CABIN1: variants seen among roughly 807,000 people sequenced by gnomAD.
The protein encoded by CABIN1 is calcineurin binding protein 1, also known as calcineurin-binding protein cabin-1.
Under a neutral mutation model 227.7 loss-of-function variants are expected in CABIN1, and 133 were observed. The observed-to-expected ratio is 0.58, with a 90% confidence interval of 0.51 to 0.67. The LOEUF (loss-of-function observed/expected upper bound fraction) is 0.67, where lower values mean the gene tolerates loss of function less well. CABIN1 is among the 30% of genes least tolerant of loss of function. The probability of loss-of-function intolerance (pLI) is 0.00; values close to 1 mark genes in which losing one functional copy is unlikely to be tolerated. For synonymous variants in CABIN1, 1,086 were observed against 1,155.1 expected (o/e 0.94, Z 1.21); for missense variants, 2,408 against 2,852.5 (o/e 0.84, Z 3.55).
At chr22:24,028,302 T>C (rs2036244998) in intron 1 of CABIN1, among the ~76,000 whole-genome samples, 1 of 152,180 alleles carries the variant, frequency 6.6e-6, no homozygotes, top group Non-Finnish European at 1.5e-5. Flanking sequence ...CTCAATAAAG[T>C]AAAGCACAGA....
intron 22 of CABIN1, 74 bp downstream of exon 22, chr22:24,085,225 G>A: frequency 6.5e-7 from 1 of 1,529,226 alleles, no homozygotes; most frequent in Non-Finnish European, 9.0e-7. Context: ...AAGCTCTTCA[G>A]TGGGCCACTT....
rs571393179 is a variant in CABIN1 at position 24,057,804 on chromosome 22, G to C, written c.1263-1423G>C. Among the ~76,000 whole-genome samples, 3 of 152,276 alleles carry C rather than the reference G, an allele frequency of 2.0e-5. No individual in the cohort carries two copies. In the South Asian group the frequency reaches 6.2e-4, roughly 32 times the overall value. On this transcript the variant is annotated intron_variant, in intron 10 of 36. Coordinates refer to ENST00000263119, the MANE Select transcript of CABIN1 (RefSeq NM_012295.4). ...AAGTGGGGCTGCAGTGCCTTCTGATGAATTTTTCTTAAGGGGTAATACCAG... is the reference window on the plus strand; with the variant it reads ...AAGTGGGGCTGCAGTGCCTTCTGATCAATTTTTCTTAAGGGGTAATACCAG...
chr22:24,063,414 C>G (rs1292080573), intron 14 of CABIN1, among the ~76,000 whole-genome samples: 1 of 152,218 alleles, frequency 6.6e-6, no homozygotes, highest in African/African-American at 2.4e-5. Context: ...GGCATTTGCT[C>G]TGCCTCTACC....
Position 24,030,641 on chromosome 22 carries a change from T to C in CABIN1, c.-74-4803T>C, listed in dbSNP as rs544112536. 2.6e-5 allele frequency among the ~76,000 whole-genome samples: 4 copies of C among 152,300 alleles called. No individual in the cohort carries two copies. The South Asian group carries it at 8.3e-4, about 32-fold the overall frequency. On this transcript the variant is annotated intron_variant, in intron 1 of 36. Coordinates refer to ENST00000263119, the MANE Select transcript of CABIN1 (RefSeq NM_012295.4). Reference sequence around the variant, plus strand: ...GTATTTGTTCTCCTACACTGTGGACTGTTTTCAGGGTGTTTGGGTTCTGCT... The same window carrying C: ...GTATTTGTTCTCCTACACTGTGGACCGTTTTCAGGGTGTTTGGGTTCTGCT...
intron 29 of CABIN1, among the ~76,000 whole-genome samples, chr22:24,159,447 ACCACCTGC>A (rs1042656313): frequency 2.6e-5 from 4 of 152,152 alleles, no homozygotes; most frequent in African/African-American, 9.7e-5. Flanking sequence ...GAAGTAGATG[ACCACCTGC>A]CCAGCTGCCT....
chr22:24,059,805 G>C (rs2039059175), intron 11 of CABIN1, 119 bp from the exon 12 acceptor site: 3 of 889,770 alleles, frequency 3.4e-6, no homozygotes, highest in Non-Finnish European at 5.5e-6. Flanking sequence ...GTGGTATCAT[G>C]TCCACCTGGA....
intron 1 of CABIN1, among the ~76,000 whole-genome samples, chr22:24,022,254 T>C (rs1471072022): frequency 6.6e-6 from 1 of 152,212 alleles, no homozygotes; most frequent in African/African-American, 2.4e-5. Flanking sequence ...GTCCATTGCT[T>C]ATGGCACCCC....
At chr22:24,082,642 G>A (rs1412532379) in intron 19 of CABIN1, among the ~76,000 whole-genome samples, 1 of 152,138 alleles carries the variant, frequency 6.6e-6, no homozygotes, top group Non-Finnish European at 1.5e-5. Flanking sequence ...TAATAGTTGG[G>A]CATAACAATA....
chr22:24,038,513 GTGGGGC>G, intron 4 of CABIN1, 52 bp downstream of exon 4: 1 of 1,270,362 alleles, frequency 7.9e-7, no homozygotes, highest in Non-Finnish European at 1.1e-6. Context: ...TGCATGGGCT[GTGGGGC>G]TGGGTACTCT....
At chr22:24,073,788 G>A (rs949097272) in intron 18 of CABIN1, among the ~76,000 whole-genome samples, 1 of 152,136 alleles carries the variant, frequency 6.6e-6, no homozygotes, top group Non-Finnish European at 1.5e-5. Context: ...CAGGAGACCT[G>A]GGGCATGGGG....
chr22:24,087,305 C>T (rs1220116567), intron 22 of CABIN1, 147 bp from the exon 23 acceptor site: 6 of 968,470 alleles, frequency 6.2e-6, no homozygotes, highest in Non-Finnish European at 9.5e-6. Context: ...ATGGTCATGG[C>T]ATTAGTGAGT....
At chr22:24,023,990 C>T (rs1284190960) in intron 1 of CABIN1, among the ~76,000 whole-genome samples, 1 of 152,154 alleles carries the variant, frequency 6.6e-6, no homozygotes, top group African/African-American at 2.4e-5. Context: ...GCCTCAGCCT[C>T]CCAAAGTGCT....
chr22:24,058,305 G>C (rs1049462475), intron 10 of CABIN1, among the ~76,000 whole-genome samples: 11 of 152,194 alleles, frequency 7.2e-5, no homozygotes, highest in African/African-American at 2.7e-4. Context: ...TTACAATCTT[G>C]AGCAACCACA....
At chr22:24,155,782 A>T (rs905880188) in intron 29 of CABIN1, 7 of 388,464 alleles carry the variant, frequency 1.8e-5, no homozygotes, top group Middle Eastern at 6.6e-4. Context: ...ACTCCTGGCC[A>T]CCCCTACACC....
intron 19 of CABIN1, among the ~76,000 whole-genome samples, chr22:24,080,850 T>C (rs2040758611): frequency 6.6e-6 from 1 of 152,212 alleles, no homozygotes; most frequent in African/African-American, 2.4e-5. Flanking sequence ...GAATTTTCTA[T>C]GTAGACAGTC....
At chr22:24,170,067 G>A (rs1297566606) in intron 33 of CABIN1, 3 of 452,944 alleles carry the variant, frequency 6.6e-6, no homozygotes, top group East Asian at 7.0e-5. Context: ...CTCCCAGTTT[G>A]TGGAGGGGAG....
At chr22:24,069,458 T>C (rs1451371321) in intron 16 of CABIN1, among the ~76,000 whole-genome samples, 3 of 152,248 alleles carry the variant, frequency 2.0e-5, no homozygotes, top group African/African-American at 7.2e-5. Flanking sequence ...TTTTTTGCTC[T>C]GTCTGGCCTT....
intron 28 of CABIN1, among the ~76,000 whole-genome samples, chr22:24,131,069 A>C (rs1274026676): frequency 6.6e-6 from 1 of 152,246 alleles, no homozygotes; most frequent in Non-Finnish European, 1.5e-5. Flanking sequence ...GCAACAAGGC[A>C]GCTGGGCAGG....
chr22:24,100,259 G>T (rs1229048376), intron 26 of CABIN1, among the ~76,000 whole-genome samples: 1 of 152,198 alleles, frequency 6.6e-6, no homozygotes, highest in Non-Finnish European at 1.5e-5. Flanking sequence ...CTCTGCCCAG[G>T]CCTGGCTGCA....
Sources: gnomAD v4.1 joint callset for allele counts (sites outside exome capture counted in the v4.1 genomes callset) on GRCh38, gnomAD v4.1.1 for gene constraint, MANE v1.5 for transcripts, NCBI Gene and HGNC (gene_info 2026-07-23, HGNC 2026-07-21) for gene names.